CPSF6: variants seen among roughly 807,000 people sequenced by gnomAD.
CPSF6 encodes cleavage and polyadenylation specificity factor subunit 6.
In CPSF6, 10 loss-of-function variants were observed where a neutral mutation model predicts 56.7. The ratio of observed to expected loss-of-function variants is 0.18; its 90% CI spans 0.11 to 0.30. The LOEUF (loss-of-function observed/expected upper bound fraction) is 0.30. Ranked by LOEUF, CPSF6 falls within the 10% of genes least tolerant of loss-of-function variation. The pLI, the probability that CPSF6 is intolerant of heterozygous loss-of-function variation, is 1.00. For synonymous variants in CPSF6, 248 were observed against 244.8 expected, an observed-to-expected ratio of 1.01 and a Z score of -0.12; for missense variants, 419 against 722.9, an observed-to-expected ratio of 0.58 and a Z score of 4.82.
chr12:69,270,198 A>G lies in CPSF6; in HGVS notation c.*690A>G, dbSNP rs1028578077. 6.6e-6 allele frequency: 1 copy of G among 152,162 alleles called. No individual in the cohort carries two copies. The highest frequency in any genetic ancestry group is 1.5e-5 in the Non-Finnish European group (1 of 67,682). The allele number at this position is 152,162 out of a possible 1,614,324, so 9.4% of individuals were successfully genotyped here. ...TAATATTTCTATATTCTGCTTTTCT[A>G]GCTGTTTTTACCTAGTTAGCTTGTG... On this transcript the variant is annotated 3_prime_UTR_variant, in exon 10 of 10. Coordinates refer to ENST00000435070, the MANE Select transcript of CPSF6 (RefSeq NM_007007.3).
Position 69,259,417 on chromosome 12 carries a change from T to C in CPSF6, c.1200-11T>C, listed in dbSNP as rs1167834681. 1 of 1,609,150 alleles carries C rather than the reference T, an allele frequency of 6.2e-7. No individual in the cohort carries two copies. The highest frequency in any genetic ancestry group is 1.7e-5 in the Admixed American group (1 of 58,904). ...TGAGTATGAGTTAAGGTTTATGTTT[T>C]TGTTTTACAGGGAAATGGATACTGC... On this transcript the variant is annotated splice_polypyrimidine_tract_variant and intron_variant, in intron 6 of 9. Transcript: ENST00000435070.
At chr12:69,241,146 C>T (rs1236827016) in intron 1 of CPSF6, among the ~76,000 whole-genome samples, 3 of 152,044 alleles carry the variant, frequency 2.0e-5, no homozygotes, top group African/African-American at 7.2e-5. Context: ...AGAAAAATAC[C>T]AGTTGGCTTT....
intron 1 of CPSF6, among the ~76,000 whole-genome samples, chr12:69,250,590 CAAAAAAAAAA>C (rs61337613): frequency 6.1e-5 from 3 of 48,862 alleles, no homozygotes; most frequent in East Asian, 6.9e-4. Flanking sequence ...CTGGTCTCTA[CAAAAAAAAAA>C]AAAAAAAGAA....
At position 69,259,024 on chromosome 12, in the gene CPSF6, G is replaced by A. The variant is rs899669853; in HGVS notation, c.1129G>A (p.Gly377Ser). The change falls in exon 6 of 10, where the codon GGT (glycine) becomes AGT (serine). Residue 377 changes from glycine to serine, a missense_variant. This residue lies in a region of CPSF6 where 211 missense variants were observed against 296.0 expected (regional missense o/e 0.71). Transcript: ENST00000435070. ...TGGCATGCCTACATCAGATAGCCGAGGTCCACCACCAACAGATCCATATGG... is the reference window on the plus strand; with the variant it reads ...TGGCATGCCTACATCAGATAGCCGAAGTCCACCACCAACAGATCCATATGG... Reference protein sequence around the residue: ...NSGMPTSDSRGPPPTDPYGRP... With the variant: ...NSGMPTSDSRSPPPTDPYGRP... The A allele has an allele frequency of 6.2e-7, 1 of 1,608,768 alleles. No homozygotes were observed. The highest frequency in any genetic ancestry group is 8.5e-7 in the Non-Finnish European group (1 of 1,180,002).
At chr12:69,261,231 T>C (rs1872728972) in intron 8 of CPSF6, among the ~76,000 whole-genome samples, 1 of 152,168 alleles carries the variant, frequency 6.6e-6, no homozygotes, top group African/African-American at 2.4e-5. Context: ...TAAGAATCTT[T>C]GTGTCTAAAC....
intron 4 of CPSF6, among the ~76,000 whole-genome samples, chr12:69,257,359 GTTCCT>G (rs1872554031): frequency 1.3e-5 from 2 of 152,170 alleles, no homozygotes; most frequent in Admixed American, 6.5e-5. Context: ...AATTCAAGTG[GTTCCT>G]TTTCTTTTAA....
intron 2 of CPSF6, among the ~76,000 whole-genome samples, chr12:69,251,891 ATATT>A (rs1238485634): frequency 4.6e-5 from 7 of 152,184 alleles, no homozygotes; most frequent in South Asian, 4.1e-4. Context: ...GCACATATGT[ATATT>A]TATTTTTTAT....
chr12:69,270,411 T>C lies in CPSF6; in HGVS notation c.*903T>C, dbSNP rs1428530529. The C allele has an allele frequency of 2.0e-5, 3 of 152,134 alleles. No individual in the cohort carries two copies. Among genetic ancestry groups the C allele is most frequent in the African/African-American group, 4.8e-5 (2 of 41,418 alleles). 9.4% of individuals were successfully genotyped at this position (152,134 alleles called of 1,614,324 possible). On this transcript the variant is annotated 3_prime_UTR_variant, in exon 10 of 10. Coordinates refer to ENST00000435070, the MANE Select transcript of CPSF6 (RefSeq NM_007007.3). ...AACACTTAATTGTGAACCGCTAACATTGAAGAAATTTTGACAATTCCGATT... is the reference window on the plus strand; with the variant it reads ...AACACTTAATTGTGAACCGCTAACACTGAAGAAATTTTGACAATTCCGATT...
chr12:69,241,892 C>T (rs1425827021), intron 1 of CPSF6, among the ~76,000 whole-genome samples: 1 of 149,894 alleles, frequency 6.7e-6, no homozygotes, highest in Non-Finnish European at 1.5e-5. Context: ...TATCCTTTTA[C>T]ATTACCGCTT....
intron 1 of CPSF6, among the ~76,000 whole-genome samples, chr12:69,249,687 C>T (rs1205343107): frequency 6.6e-6 from 1 of 152,194 alleles, no homozygotes; most frequent in Non-Finnish European, 1.5e-5. Flanking sequence ...TCCTGTGCTA[C>T]AGGCTTAGTC....
At chr12:69,263,685 T>C (rs752151793) in intron 9 of CPSF6, among the ~76,000 whole-genome samples, 8 of 152,090 alleles carry the variant, frequency 5.3e-5, no homozygotes, top group Non-Finnish European at 7.4e-5. Flanking sequence ...TTAAAGGTTT[T>C]ATCAAGTGTA....
rs1457103442 is a variant in CPSF6 at position 69,258,113 on chromosome 12, G to T, written c.694+208G>T. Reference sequence around the variant, plus strand: ...AGGATTCCATGGCATATGGGGCACAGCATAGAGGAAATACCCATTTTTGGC... The same window carrying T: ...AGGATTCCATGGCATATGGGGCACATCATAGAGGAAATACCCATTTTTGGC... On this transcript the variant is annotated intron_variant, in intron 5 of 9. Coordinates refer to ENST00000435070, the MANE Select transcript of CPSF6 (RefSeq NM_007007.3). The surrounding 1 kb of genome is among the most constrained non-coding windows in gnomAD (Gnocchi z 4.2). The T allele has an allele frequency of 3.3e-6, 5 of 1,535,752 alleles. No homozygotes were observed. The South Asian group carries it at 5.9e-5, about 18-fold the overall frequency.
intron 9 of CPSF6, among the ~76,000 whole-genome samples, chr12:69,269,259 G>A (rs1873137074): frequency 6.6e-6 from 1 of 151,658 alleles, no homozygotes; most frequent in Non-Finnish European, 1.5e-5. Flanking sequence ...TTTCATTACT[G>A]CTTCAGTCAT....
Position 69,239,632 on chromosome 12 carries a change from C to G in CPSF6, c.-15C>G, listed in dbSNP as rs753494865. 6.6e-5 allele frequency: 103 copies of G among 1,565,398 alleles called. No individual in the cohort carries two copies. Among genetic ancestry groups the G allele is most frequent in the Middle Eastern group, 1.7e-4 (1 of 5,922 alleles). Reference sequence around the variant, plus strand: ...AGGAGGCGGCGGCGGCGGCGGCGGCCGAGGCTGAAGGAAGATGGCGGACGG... The same window carrying G: ...AGGAGGCGGCGGCGGCGGCGGCGGCGGAGGCTGAAGGAAGATGGCGGACGG... On this transcript the variant is annotated 5_prime_UTR_variant, in exon 1 of 10. Transcript: ENST00000435070.
At chr12:69,250,013 C>G (rs1872147378) in intron 1 of CPSF6, among the ~76,000 whole-genome samples, 2 of 152,118 alleles carry the variant, frequency 1.3e-5, no homozygotes, top group Non-Finnish European at 2.9e-5. Flanking sequence ...AGCATTAGCT[C>G]TTTGTTCACT....
chr12:69,251,605 T>C (rs12315811), intron 2 of CPSF6, among the ~76,000 whole-genome samples: 2,642 of 152,298 alleles, frequency 0.017, 101 homozygotes, highest in African/African-American at 0.061. Flanking sequence ...CAGTTACCTT[T>C]TTTATGCTAC....
chr12:69,247,548 A>G (rs1409925410), intron 1 of CPSF6, among the ~76,000 whole-genome samples: 2 of 152,238 alleles, frequency 1.3e-5, no homozygotes, highest in African/African-American at 2.4e-5. Context: ...TAAAAGTAAT[A>G]ATTGAAAAGA....
chr12:69,265,598 CTTT>C (rs56097101), intron 9 of CPSF6, among the ~76,000 whole-genome samples: 27 of 99,782 alleles, frequency 2.7e-4, no homozygotes, highest in African/African-American at 3.4e-4. Flanking sequence ...TATCTGATTA[CTTT>C]TTTTTTTTTT....
intron 1 of CPSF6, among the ~76,000 whole-genome samples, chr12:69,249,566 A>G (rs1872125273): frequency 6.6e-6 from 1 of 152,180 alleles, no homozygotes; most frequent in Non-Finnish European, 1.5e-5. Context: ...GTTGTCTTAT[A>G]ATTGTCTTTT....
Sources: allele counts gnomAD v4.1 joint callset (sites outside exome capture counted in the v4.1 genomes callset), GRCh38; gene constraint gnomAD v4.1.1; regional missense constraint gnomAD v4.1.1; non-coding constraint Gnocchi (gnomAD v3.1); transcripts MANE v1.5; gene names NCBI Gene and HGNC (gene_info 2026-07-23, HGNC 2026-07-21).